Variants in BTBD8 observed in about 807,000 individuals in gnomAD.
BTBD8 encodes BTB domain containing 8.
In BTBD8, 110 loss-of-function variants were observed where a neutral mutation model predicts 162.9. The observed-to-expected ratio is 0.68, with a 90% CI of 0.58 to 0.79. The LOEUF is 0.79. Ranked by LOEUF, BTBD8 falls within the 30% of genes least tolerant of loss-of-function variation. The pLI is 0.00. For missense variants in BTBD8, 1,905 were observed against 2,085.4 expected (o/e 0.91, Z 1.68); for synonymous variants, 667 against 716.1 (o/e 0.93, Z 1.10).
intron 7 of BTBD8, among the ~76,000 whole-genome samples, chr1:92,144,638 T>C (rs1649864824): frequency 1.3e-5 from 2 of 151,680 alleles, no homozygotes; most frequent in Admixed American, 6.6e-5. Context: ...GGAGATCCTG[T>C]CTCTACAAAA....
In BTBD8 at chr1:92,102,653, T is replaced by C. The variant is rs758058205; in HGVS notation, c.528T>C (p.Asp176=). The change falls in exon 3 of 18, where the codon GAT becomes GAC. Residue 176 remains aspartate, a synonymous_variant. Transcript: ENST00000636805. ...CAGAGGATATCAGTGACAGAGATGA[T>C]GATTTCATTTCCAATGGTGAGGTAT... is the stretch of plus-strand genomic sequence containing the variant. ...EIPEDISDRD[D]DFISNDNYDL... The C allele has an allele frequency of 2.0e-6, 3 of 1,485,308 alleles. No individual in the cohort carries two copies. In the East Asian group the frequency reaches 7.4e-5, roughly 37 times the overall value. 92.0% of individuals were successfully genotyped at this position (1,485,308 alleles called of 1,614,324 possible).
At chr1:92,176,050 C>A (rs6604082) in intron 13 of BTBD8, among the ~76,000 whole-genome samples, 94,339 of 151,774 alleles carry the variant, frequency 0.62, 29,838 homozygotes, top group East Asian at 0.96. Flanking sequence ...TCTTATTTGT[C>A]CAAAAACCAA....
chr1:92,107,087 A>G (rs1443824050), intron 3 of BTBD8, among the ~76,000 whole-genome samples: 1 of 152,154 alleles, frequency 6.6e-6, no homozygotes, highest in Non-Finnish European at 1.5e-5. Flanking sequence ...TCTAAAAAAT[A>G]AAATACAGTT....
chr1:92,176,838 C>A lies in BTBD8; in HGVS notation c.1645C>A (p.Gln549Lys). The change falls in exon 14 of 18, where the codon CAA becomes AAA. Residue 549 changes from glutamine (Q) to lysine (K), a missense_variant. Physicochemically the swap from Gln to Lys is moderately conservative, Grantham distance 53. Around this residue, in one of 3 missense-constraint regions of BTBD8, gnomAD observed 1,374 missense variants for 1,442.7 expected, o/e 0.95. Transcript: ENST00000636805. ...PIFSSSQQRK[Q>K]VSDSGDIKIK... ...TTTTTCTTTTTTATAGCAAAGGAAA[C>A]AAGTTTCTGACTCTGGTGATATAAA... The A allele has an allele frequency of 7.2e-7, 1 of 1,393,992 alleles. No homozygotes were observed. The allele number at this position is 1,393,992 out of a possible 1,614,324, so 86.4% of individuals were successfully genotyped here. A position where few individuals can be genotyped will look rare whatever the true frequency, so the allele number is the denominator to read the frequency against.
At position 92,181,113 on chromosome 1, in the gene BTBD8, G is replaced by A. The variant is rs1412329108; in HGVS notation, c.3430G>A (p.Asp1144Asn). The A allele has an allele frequency of 1.3e-6, 2 of 1,551,500 alleles. No individual in the cohort carries two copies. The highest frequency in any genetic ancestry group is 1.7e-6 in the Non-Finnish European group (2 of 1,146,992). Reference sequence around the variant, plus strand: ...ACAATCAAGTATTAAATGTGTGGAAGATGTTTCACTGTGTAATCCTGAAAG... The same window carrying A: ...ACAATCAAGTATTAAATGTGTGGAAAATGTTTCACTGTGTAATCCTGAAAG... Reference protein sequence around the residue: ...NKQSSIKCVEDVSLCNPERTN... With the variant: ...NKQSSIKCVENVSLCNPERTN... The change falls in exon 17 of 18, where the codon GAT (aspartate) becomes AAT (asparagine). Residue 1144 changes from aspartate to asparagine, a missense_variant. By Grantham distance (23) the Asp-to-Asn change is conservative (BLOSUM62 1). This residue lies in a region of BTBD8 where 1,374 missense variants were observed against 1,442.7 expected (regional missense o/e 0.95). Transcript: ENST00000636805.
At position 92,177,431 on chromosome 1, in the gene BTBD8, G is replaced by A. The variant is rs373237129; in HGVS notation, c.2238G>A (p.Pro746=). 69 of 1,551,566 alleles carry A rather than the reference G, an allele frequency of 4.4e-5. No individual in the cohort carries two copies. The highest frequency in any genetic ancestry group is 9.6e-5 in the African/African-American group (7 of 73,046). ...FSISTECLDE[P]KENGSTEEEK... is the part of the protein sequence containing the mutation. Reference sequence around the variant, plus strand: ...TTTCCACTGAATGTCTGGATGAACCGAAAGAAAATGGATCAACAGAAGAAG... The same window carrying A: ...TTTCCACTGAATGTCTGGATGAACCAAAAGAAAATGGATCAACAGAAGAAG... The change falls in exon 14 of 18, where the codon CCG becomes CCA. Residue 746 remains proline, a synonymous_variant. Coordinates refer to ENST00000636805, the MANE Select transcript of BTBD8 (RefSeq NM_001376131.1).
chr1:92,099,489 G>A (rs1648532678), intron 2 of BTBD8, among the ~76,000 whole-genome samples: 2 of 150,816 alleles, frequency 1.3e-5, no homozygotes, highest in Non-Finnish European at 1.5e-5. Flanking sequence ...AATTCAGAAA[G>A]TACTACTATC....
At position 92,167,873 on chromosome 1, in the gene BTBD8, A is replaced by G. The variant is rs555659145; in HGVS notation, c.1331A>G (p.Asp444Gly). ...LQSQAMSSTA[D>G]LLDTILKAIE... The stretch of plus-strand genomic sequence containing the variant: ...TCACAAGCAATGAGCAGCACAGCCG[A>G]TCTGTTGGACACAATTTTAAAAGCA... The change falls in exon 11 of 18, where the codon GAT becomes GGT. Residue 444 changes from aspartate (D) to glycine (G), a missense_variant. Physicochemically the swap from Asp to Gly is moderately conservative, Grantham distance 94. Around this residue, in one of 3 missense-constraint regions of BTBD8, gnomAD observed 1,374 missense variants for 1,442.7 expected, o/e 0.95. Transcript: ENST00000636805. The G allele has an allele frequency of 9.0e-6, 14 of 1,550,844 alleles. No homozygotes were observed. In the Admixed American group the frequency reaches 9.8e-5, roughly 11 times the overall value.
chr1:92,126,502 A>G, intron 4 of BTBD8: 1 of 513,052 alleles, frequency 1.9e-6, no homozygotes, highest in Admixed American at 2.5e-5. Flanking sequence ...TCCTCTCCTC[A>G]ATCCTCTTCA....
At position 92,139,337 on chromosome 1, in the gene BTBD8, T is replaced by C; in HGVS notation, c.753-13T>C. The C allele has an allele frequency of 6.4e-7, 1 of 1,555,226 alleles. No homozygotes were observed. The highest frequency in any genetic ancestry group is 2.4e-5 in the East Asian group (1 of 42,390). On this transcript the variant is annotated splice_polypyrimidine_tract_variant and intron_variant, in intron 5 of 17. Coordinates refer to ENST00000636805, the MANE Select transcript of BTBD8 (RefSeq NM_001376131.1). ...ACCTTAATTCTGGATTTGAGTTTTC[T>C]TTTATTTTTCAGTATAAGCCATGTA...
In BTBD8 at chr1:92,166,809, T is replaced by C; in HGVS notation, c.1123-149T>C. 5 of 734,558 alleles carry C rather than the reference T, an allele frequency of 6.8e-6. No homozygotes were observed. In the South Asian group the frequency reaches 1.2e-4, roughly 17 times the overall value. 45.5% of individuals were successfully genotyped at this position (734,558 alleles called of 1,614,324 possible). ...ATTCTGAATTAATGAATAAACATTA[T>C]ATGTAAAACTAATAACAAAGACATT... On this transcript the variant is annotated intron_variant, in intron 9 of 17. Transcript: ENST00000636805.
Position 92,137,709 on chromosome 1 carries a change from T to A in BTBD8, c.753-1641T>A, listed in dbSNP as rs141466875. 1.8e-3 allele frequency among the ~76,000 whole-genome samples: 268 copies of A among 152,048 alleles called. 3 individuals carry two copies. Among genetic ancestry groups the A allele is most frequent in the African/African-American group, 5.9e-3 (245 of 41,488 alleles). Reference sequence around the variant, plus strand: ...TTATCTGAAATGCTTGGGATCAGAGTGTTTCAGATTTTTTCAGATCTTAGA... The same window carrying A: ...TTATCTGAAATGCTTGGGATCAGAGAGTTTCAGATTTTTTCAGATCTTAGA... On this transcript the variant is annotated intron_variant, in intron 5 of 17. Coordinates refer to ENST00000636805, the MANE Select transcript of BTBD8 (RefSeq NM_001376131.1).
chr1:92,162,806 A>G (rs1650298570), intron 9 of BTBD8, among the ~76,000 whole-genome samples: 1 of 152,216 alleles, frequency 6.6e-6, no homozygotes, highest in Non-Finnish European at 1.5e-5. Context: ...TAAGAGAAGT[A>G]GTATTGACCC....
chr1:92,118,225 T>C lies in BTBD8; in HGVS notation c.662+10224T>C, dbSNP rs868156712. On this transcript the variant is annotated intron_variant, in intron 4 of 17. Coordinates refer to ENST00000636805, the MANE Select transcript of BTBD8 (RefSeq NM_001376131.1). ...GGAATCAATCCCCGATCTCACATTATGCTTAGTTGTCCTGTCTCCTTAGGC... is the reference window on the plus strand; with the variant it reads ...GGAATCAATCCCCGATCTCACATTACGCTTAGTTGTCCTGTCTCCTTAGGC... 5.9e-4 allele frequency among the ~76,000 whole-genome samples: 89 copies of C among 151,958 alleles called. 1 individual carries two copies. Among genetic ancestry groups the C allele is most frequent in the African/African-American group, 2.0e-3 (83 of 41,326 alleles).
At chr1:92,152,936 A>G (rs1650076548) in intron 9 of BTBD8, among the ~76,000 whole-genome samples, 1 of 152,178 alleles carries the variant, frequency 6.6e-6, no homozygotes, top group Non-Finnish European at 1.5e-5. Flanking sequence ...AAGAAACACT[A>G]ATTTAACATA....
intron 16 of BTBD8, among the ~76,000 whole-genome samples, chr1:92,179,245 CAAAAA>C (rs5776142): frequency 1.4e-5 from 2 of 138,006 alleles, no homozygotes; most frequent in East Asian, 4.3e-4. Context: ...GACTCTATCT[CAAAAA>C]AAAAAAAAAA....
chr1:92,151,280 G>C (rs1650037056), intron 9 of BTBD8, among the ~76,000 whole-genome samples: 1 of 151,800 alleles, frequency 6.6e-6, no homozygotes, highest in African/African-American at 2.4e-5. Flanking sequence ...CTTGAACCCA[G>C]GAGGCAGAGG....
At chr1:92,101,753 A>G (rs540206471) in intron 2 of BTBD8, among the ~76,000 whole-genome samples, 1 of 152,250 alleles carries the variant, frequency 6.6e-6, no homozygotes, top group East Asian at 1.9e-4. Context: ...ACTGGAGTGC[A>G]GTGGCATGAT....
At chr1:92,182,627 T>C in intron 17 of BTBD8, 32 bp downstream of exon 17, 1 of 1,309,612 alleles carries the variant, frequency 7.6e-7, no homozygotes. Flanking sequence ...GCTAAATGCA[T>C]AAGAAAATAA....
Sources: gnomAD v4.1 joint callset for allele counts (sites outside exome capture counted in the v4.1 genomes callset) on GRCh38, gnomAD v4.1.1 for gene constraint, gnomAD v4.1.1 regional missense constraint, MANE v1.5 for transcripts, NCBI Gene and HGNC (gene_info 2026-07-23, HGNC 2026-07-21) for gene names.